The following TOM1 variants were observed in gnomAD, a reference collection of about 807,000 sequenced individuals.
The protein encoded by TOM1 is target of Myb protein 1.
Under a neutral mutation model 61.3 loss-of-function variants are expected in TOM1, and 38 were observed. That is an observed-to-expected ratio of 0.62 (90% confidence interval 0.48 to 0.81). The LOEUF (loss-of-function observed/expected upper bound fraction) is 0.81, where lower values mean the gene tolerates loss of function less well. TOM1 is among the 40% of genes least tolerant of loss of function. The pLI, the probability that TOM1 is intolerant of heterozygous loss-of-function variation, is 0.00. For missense variants in TOM1, 591 were observed against 659.6 expected, an observed-to-expected ratio of 0.90 and a Z score of 1.14; for synonymous variants, 270 against 268.8, an observed-to-expected ratio of 1.00 and a Z score of -0.04.
chr22:35,347,043 C>G lies in TOM1; in HGVS notation c.1325-12C>G. 6.2e-7 allele frequency: 1 copy of G among 1,611,064 alleles called. No individual in the cohort carries two copies. The highest frequency in any genetic ancestry group is 8.5e-7 in the Non-Finnish European group (1 of 1,178,312). Reference sequence around the variant, plus strand: ...CCTCAGGGCCTACCCTCACCCTCTCCCCTTCCTCTAGAATTTGACAAATTC... The same window carrying G: ...CCTCAGGGCCTACCCTCACCCTCTCGCCTTCCTCTAGAATTTGACAAATTC... On this transcript the variant is annotated splice_polypyrimidine_tract_variant and intron_variant, in intron 14 of 14. Transcript: ENST00000449058.
intron 7 of TOM1, among the ~76,000 whole-genome samples, chr22:35,328,007 G>A (rs1367997026): frequency 1.3e-5 from 2 of 152,200 alleles, no homozygotes; most frequent in Non-Finnish European, 2.9e-5. Flanking sequence ...AGAGAGCTAG[G>A]AATCCCCAAG....
intron 1 of TOM1, 43 bp downstream of exon 1, chr22:35,300,023 C>T (rs377627754): frequency 1.5e-5 from 24 of 1,549,672 alleles, no homozygotes; most frequent in East Asian, 9.8e-5. Context: ...CGGTGCTCCG[C>T]ACCCAGCTTC....
intron 13 of TOM1, among the ~76,000 whole-genome samples, chr22:35,346,152 C>G (rs1601722933): frequency 6.6e-6 from 1 of 152,230 alleles, no homozygotes; most frequent in African/African-American, 2.4e-5. Context: ...GAACCCATCA[C>G]CACCCTGTTT....
At chr22:35,346,081 A>G (rs1052008846) in intron 13 of TOM1, among the ~76,000 whole-genome samples, 1 of 152,238 alleles carries the variant, frequency 6.6e-6, no homozygotes, top group African/African-American at 2.4e-5. Context: ...TAACCGAGGA[A>G]GCATAACAGC....
chr22:35,334,418 G>A lies in TOM1; in HGVS notation c.1118G>A (p.Arg373Gln), dbSNP rs750391365. The part of the protein sequence containing the change: ...EDEFDMFALT[R>Q]GSSLADQRKE... The stretch of plus-strand genomic sequence containing the variant: ...GAGTTTGACATGTTTGCGCTGACAC[G>A]GGGCAGCTCACTGGCTGACCAACGG... Residue 373 changes from arginine to glutamine, a missense_variant, in exon 11 of 15, where the codon CGG (arginine) becomes CAG (glutamine). By Grantham distance (43) the Arg-to-Gln change is conservative. Coordinates refer to ENST00000449058, the MANE Select transcript of TOM1 (RefSeq NM_005488.3). The A allele has an allele frequency of 3.3e-5, 53 of 1,613,944 alleles. 1 individual carries two copies. In the Admixed American group the frequency reaches 6.3e-4, roughly 19 times the overall value.
chr22:35,311,709 C>T (rs1376974904), intron 1 of TOM1, among the ~76,000 whole-genome samples: 6 of 152,242 alleles, frequency 3.9e-5, no homozygotes, highest in African/African-American at 1.4e-4. Flanking sequence ...TTGGAGCACG[C>T]AGGCCTGGCT....
rs929332608 is a variant in TOM1, at chr22:35,305,926, G to A, written c.52+5946G>A. On this transcript the variant is annotated intron_variant, in intron 1 of 14. Transcript: ENST00000449058. ...TAGCAGACTAGACCAGGGTCAGTGA[G>A]CTTTTTCTATAAAGGGCCAGATAGT... Among the ~76,000 whole-genome samples the A allele has an allele frequency of 2.0e-5, 3 of 152,190 alleles. No homozygotes were observed. In the East Asian group the frequency reaches 5.8e-4, roughly 29 times the overall value.
intron 2 of TOM1, among the ~76,000 whole-genome samples, chr22:35,320,054 A>G (rs1200371314): frequency 6.6e-6 from 1 of 152,226 alleles, no homozygotes; most frequent in African/African-American, 2.4e-5. Flanking sequence ...GCCACTGGCC[A>G]GGCTGAGAAA....
Position 35,333,498 on chromosome 22 carries a change from G to A in TOM1, c.1027+1G>A. Reference sequence around the variant, plus strand: ...CTCTCATCCCAGCTGGCAGGAATGAGTAAGTGTGGTTTGGAGGGCTCCAGC... The same window carrying A: ...CTCTCATCCCAGCTGGCAGGAATGAATAAGTGTGGTTTGGAGGGCTCCAGC... On this transcript the variant is annotated splice_donor_variant, in intron 10 of 14. Coordinates refer to ENST00000449058, the MANE Select transcript of TOM1 (RefSeq NM_005488.3). LOFTEE classifies it high-confidence loss of function. 1 of 1,614,128 alleles carries A rather than the reference G, an allele frequency of 6.2e-7. No individual in the cohort carries two copies. Among genetic ancestry groups the A allele is most frequent in the Non-Finnish European group, 8.5e-7 (1 of 1,179,968 alleles).
intron 1 of TOM1, among the ~76,000 whole-genome samples, chr22:35,306,015 C>T (rs190737270): frequency 1.6e-4 from 25 of 152,252 alleles, no homozygotes; most frequent in Non-Finnish European, 3.1e-4. Context: ...GCCATTATAG[C>T]ACAAAAGCAG....
intron 6 of TOM1, 130 bp downstream of exon 6, chr22:35,324,044 G>A: frequency 8.5e-7 from 1 of 1,175,928 alleles, no homozygotes; most frequent in Non-Finnish European, 1.2e-6. Context: ...CAGGGTATGT[G>A]TGGTTCTTCC....
chr22:35,334,231 C>A, intron 10 of TOM1, 97 bp from the exon 11 acceptor site: 1 of 1,507,010 alleles, frequency 6.6e-7, no homozygotes, highest in Non-Finnish European at 8.9e-7. Flanking sequence ...TGCCACTTCC[C>A]CAGCACCAAG....
chr22:35,323,035 A>G lies in TOM1; in HGVS notation c.224A>G (p.Glu75Gly), dbSNP rs139147613. 9 of 1,613,920 alleles carry G rather than the reference A, an allele frequency of 5.6e-6. No individual in the cohort carries two copies. The highest frequency in any genetic ancestry group is 7.6e-6 in the Non-Finnish European group (9 of 1,180,032). ...CACCTCTCGGCCCTCCAGGTCTTAG[A>G]AACCTGTGTCAAGAACTGCGGGCAC... ...HEVMLALTVL[E>G]TCVKNCGHRF... Residue 75 changes from glutamate to glycine, a missense_variant, in exon 4 of 15, where the codon GAA (glutamate) becomes GGA (glycine). By Grantham distance (98) the Glu-to-Gly change is moderately conservative (BLOSUM62 -2). Transcript: ENST00000449058. This position sits in a 1 kb window ranked among gnomAD's most constrained non-coding sequence, Gnocchi z 4.2.
At chr22:35,321,664 C>T (rs1374057646) in intron 2 of TOM1, 1 of 494,986 alleles carries the variant, frequency 2.0e-6, no homozygotes, top group Non-Finnish European at 4.1e-6. Context: ...CTCCCAAAGT[C>T]CTGGGATTAC....
chr22:35,343,428 C>T (rs577717106), intron 12 of TOM1, among the ~76,000 whole-genome samples: 7 of 143,996 alleles, frequency 4.9e-5, no homozygotes, highest in Non-Finnish European at 1.1e-4. Flanking sequence ...ACCACACACA[C>T]ATATCTACAC....
intron 1 of TOM1, among the ~76,000 whole-genome samples, chr22:35,307,421 G>A (rs772445751): frequency 6.6e-5 from 10 of 152,144 alleles, no homozygotes; most frequent in African/African-American, 9.7e-5. Flanking sequence ...GAGCCCACCT[G>A]GCATGATCCC....
intron 1 of TOM1, among the ~76,000 whole-genome samples, chr22:35,301,905 C>G (rs1925835797): frequency 6.6e-6 from 1 of 152,180 alleles, no homozygotes; most frequent in African/African-American, 2.4e-5. Context: ...ACTACAGAAA[C>G]CACTGCTTTT....
At position 35,322,037 on chromosome 22, in the gene TOM1, A is replaced by C; in HGVS notation, c.216A>C (p.Thr72=). The C allele has an allele frequency of 6.2e-7, 1 of 1,613,676 alleles. No individual in the cohort carries two copies. The highest frequency in any genetic ancestry group is 8.5e-7 in the Non-Finnish European group (1 of 1,179,588). The change falls in exon 3 of 15, where the codon ACA becomes ACC. Residue 72 remains threonine (T), a splice_region_variant and synonymous_variant. Coordinates refer to ENST00000449058, the MANE Select transcript of TOM1 (RefSeq NM_005488.3). ...KNFHEVMLAL[T]VLETCVKNCG... is the part of the protein sequence containing the mutation. ...TCCACGAGGTGATGCTGGCTCTCAC[A>C]GTGAGTGCCCCATCTGTCTGTCCTG... is the stretch of plus-strand genomic sequence containing the variant.
At chr22:35,301,032 C>T (rs1358521910) in intron 1 of TOM1, among the ~76,000 whole-genome samples, 3 of 139,828 alleles carry the variant, frequency 2.1e-5, no homozygotes, top group Non-Finnish European at 3.0e-5. Flanking sequence ...GGCAACATGG[C>T]GAGACCCCGT....
Sources: gnomAD v4.1 joint callset for allele counts (sites outside exome capture counted in the v4.1 genomes callset) on GRCh38, gnomAD v4.1.1 for gene constraint, Gnocchi (gnomAD v3.1) non-coding constraint, MANE v1.5 for transcripts, NCBI Gene and HGNC (gene_info 2026-07-23, HGNC 2026-07-21) for gene names.